DNAH3: variants seen among roughly 807,000 people sequenced by gnomAD.
DNAH3 encodes axonemal beta dynein heavy chain 3.
Under a neutral mutation model 432.5 loss-of-function variants are expected in DNAH3, and 332 were observed. The observed-to-expected ratio is 0.77, with a 90% CI of 0.70 to 0.84. DNAH3 has a LOEUF of 0.84. Ranked by LOEUF, DNAH3 falls within the 40% of genes least tolerant of loss-of-function variation. The pLI, the probability that DNAH3 is intolerant of heterozygous loss-of-function variation, is 0.00. For synonymous variants in DNAH3, 1,956 were observed against 1,900.2 expected, an observed-to-expected ratio of 1.03 and a Z score of -0.76; for missense variants, 4,861 against 5,114.0, an observed-to-expected ratio of 0.95 and a Z score of 1.51.
At chr16:21,080,496 T>G (rs765980294) in intron 20 of DNAH3, among the ~76,000 whole-genome samples, 3 of 152,250 alleles carry the variant, frequency 2.0e-5, no homozygotes, top group Non-Finnish European at 4.4e-5. Context: ...AAATCCAGCC[T>G]GTATTTTATA....
chr16:20,979,083 C>T (rs375505031), intron 50 of DNAH3, among the ~76,000 whole-genome samples: 4 of 152,006 alleles, frequency 2.6e-5, no homozygotes, highest in Non-Finnish European at 4.4e-5. Flanking sequence ...ATAAATAATA[C>T]ATTATTGCAA....
intron 1 of DNAH3, among the ~76,000 whole-genome samples, chr16:21,149,639 ACC>A (rs2092828625): frequency 1.3e-5 from 2 of 152,080 alleles, no homozygotes; most frequent in African/African-American, 2.4e-5. Context: ...GGAGTGGGGG[ACC>A]AAGACTCTAT....
intron 24 of DNAH3, 116 bp from the exon 25 acceptor site, chr16:21,062,799 G>T: frequency 1.3e-6 from 1 of 756,190 alleles, no homozygotes; most frequent in Non-Finnish European, 2.1e-6. Flanking sequence ...ATGTCTTGCG[G>T]TCTTCACAAA....
intron 41 of DNAH3, among the ~76,000 whole-genome samples, chr16:21,009,940 G>A (rs1378306505): frequency 6.9e-6 from 1 of 144,100 alleles, no homozygotes; most frequent in East Asian, 2.0e-4. Context: ...GGGGAGGGGA[G>A]GAAAAGAAGG....
chr16:21,019,784 C>A, exon 41 of DNAH3: 2 of 1,614,152 alleles, frequency 1.2e-6, no homozygotes, highest in Non-Finnish European at 1.7e-6. Context: ...AAAAGAGAAA[C>A]AGTCCTTGGA....
intron 55 of DNAH3, among the ~76,000 whole-genome samples, chr16:20,954,357 A>G (rs1442321345): frequency 7.2e-6 from 1 of 138,650 alleles, no homozygotes; most frequent in Non-Finnish European, 1.5e-5. Flanking sequence ...GTGGTGTGAT[A>G]TGGGCTCACT....
At chr16:21,058,143 G>T in exon 27 of DNAH3, 2 of 1,614,046 alleles carry the variant, frequency 1.2e-6, no homozygotes, top group Non-Finnish European at 1.7e-6. Context: ...AGATGGAGGA[G>T]ACACAGATAA....
At chr16:21,052,039 T>C (rs1597248789) in intron 28 of DNAH3, among the ~76,000 whole-genome samples, 171 bp from the exon 29 acceptor site, 2 of 152,186 alleles carry the variant, frequency 1.3e-5, no homozygotes. Context: ...TCCCCCATTC[T>C]GGAGTGCAAT....
exon 38 of DNAH3, chr16:21,027,111 C>T (rs2088610043): frequency 6.2e-7 from 1 of 1,613,494 alleles, no homozygotes; most frequent in Admixed American, 1.7e-5. Flanking sequence ...GATAATTTCC[C>T]CACTCATGAG....
chr16:21,081,772 G>T, intron 19 of DNAH3, 45 bp from the exon 20 acceptor site: 1 of 1,524,304 alleles, frequency 6.6e-7, no homozygotes. Flanking sequence ...CCGAGGCAGT[G>T]CTGTCCAGTA....
chr16:20,973,254 CTTTT>C (rs374055192), intron 51 of DNAH3, among the ~76,000 whole-genome samples: 1 of 149,400 alleles, frequency 6.7e-6, no homozygotes, highest in Non-Finnish European at 1.5e-5. Flanking sequence ...GTCTGTCATT[CTTTT>C]TTTTTTCTTT....
At chr16:21,044,296 T>C (rs1409444353) in intron 31 of DNAH3, among the ~76,000 whole-genome samples, 1 of 150,418 alleles carries the variant, frequency 6.6e-6, no homozygotes, top group Non-Finnish European at 1.5e-5. Context: ...TGATTCTTCC[T>C]ACCCATGAGC....
intron 41 of DNAH3, among the ~76,000 whole-genome samples, chr16:21,007,515 A>G (rs924443589): frequency 1.3e-5 from 2 of 152,166 alleles, no homozygotes; most frequent in Non-Finnish European, 2.9e-5. Context: ...TATCTTCTGT[A>G]AATAACGGTC....
chr16:21,056,744 T>C (rs1029290399), intron 27 of DNAH3, among the ~76,000 whole-genome samples: 2 of 152,148 alleles, frequency 1.3e-5, no homozygotes, highest in Non-Finnish European at 2.9e-5. Context: ...GGCCTGGATG[T>C]ATGACGGGAA....
intron 12 of DNAH3, among the ~76,000 whole-genome samples, chr16:21,116,171 C>T (rs1210916363): frequency 6.6e-6 from 1 of 152,150 alleles, no homozygotes; most frequent in Non-Finnish European, 1.5e-5. Flanking sequence ...TAATTGTTAA[C>T]AACACTCTTT....
At chr16:21,140,383 A>G in intron 5 of DNAH3, 153 bp downstream of exon 6, 1 of 701,952 alleles carries the variant, frequency 1.4e-6, no homozygotes, top group Non-Finnish European at 2.4e-6. Context: ...GCACACAAAC[A>G]TGCGCCCTCT....
chr16:21,145,976 G>T lies in DNAH3; in HGVS notation c.222+8C>A. 6.4e-7 allele frequency: 1 copy of T among 1,572,754 alleles called. No individual in the cohort carries two copies. The highest frequency in any genetic ancestry group is 8.8e-7 in the Non-Finnish European group (1 of 1,142,234). ...TCAACAGAAGAGCTGGCAGCCAGGT[G>T]TGCATACCTGATAGAGTCCAGACGG... is the stretch of plus-strand genomic sequence containing the variant. On this transcript the variant is annotated splice_region_variant and intron_variant, in intron 2 of 61. Coordinates refer to ENST00000261383, the Ensembl canonical transcript of DNAH3.
chr16:21,054,415 C>T lies in DNAH3; in HGVS notation c.4039+5G>A. ...AGTAATGACAGGGGAAGCCCCCTGG[C>T]TTACCGTGGACATCGATGACCGTGA... On this transcript the variant is annotated splice_donor_5th_base_variant and intron_variant, in intron 28 of 61. Coordinates refer to ENST00000261383, the Ensembl canonical transcript of DNAH3. 1 of 1,611,380 alleles carries T rather than the reference C, an allele frequency of 6.2e-7. No individual in the cohort carries two copies.
intron 48 of DNAH3, among the ~76,000 whole-genome samples, chr16:20,984,696 C>T (rs1011563298): frequency 6.6e-6 from 1 of 152,016 alleles, no homozygotes; most frequent in African/African-American, 2.4e-5. Flanking sequence ...ATGGTGAAAC[C>T]CCTCTCTACT....
Sources: allele counts gnomAD v4.1 joint callset (sites outside exome capture counted in the v4.1 genomes callset), GRCh38; gene constraint gnomAD v4.1.1; transcripts MANE v1.5; gene names NCBI Gene and HGNC (gene_info 2026-07-23, HGNC 2026-07-21).